The following GALNT9 variants were observed in gnomAD, a reference collection of about 807,000 sequenced individuals.
The protein encoded by GALNT9 is GalNAc transferase 9.
Under a neutral mutation model 63.1 loss-of-function variants are expected in GALNT9, and 47 were observed. The observed-to-expected ratio is 0.75, with a 90% CI of 0.59 to 0.95. GALNT9 has a LOEUF of 0.95. Among genes scored for constraint, GALNT9 ranks in the 40% least tolerant of loss-of-function variants. The pLI is 0.00. For missense variants in GALNT9, 829 were observed against 874.8 expected (o/e 0.95, Z 0.66); for synonymous variants, 396 against 365.7 (o/e 1.08, Z -0.94).
intron 6 of GALNT9, 46 bp downstream of exon 6, chr12:132,247,864 C>T (rs782117150): frequency 3.1e-5 from 48 of 1,548,926 alleles, no homozygotes; most frequent in Middle Eastern, 1.7e-4. Flanking sequence ...GACGCTGTGG[C>T]CTCACTCGCC....
intron 6 of GALNT9, among the ~76,000 whole-genome samples, chr12:132,230,803 T>C (rs991448600): frequency 0.01 from 1,561 of 152,252 alleles, 28 homozygotes; most frequent in African/African-American, 0.035. Flanking sequence ...GGTTAATGGA[T>C]CGATTTATTT....
intron 6 of GALNT9, among the ~76,000 whole-genome samples, chr12:132,216,981 A>G (rs1393158940): frequency 6.6e-6 from 1 of 152,198 alleles, no homozygotes; most frequent in Non-Finnish European, 1.5e-5. Flanking sequence ...AAACTGTTAT[A>G]AAATCTGGTT....
intron 6 of GALNT9, among the ~76,000 whole-genome samples, chr12:132,222,574 G>A (rs1057208791): frequency 2.0e-5 from 3 of 152,138 alleles, no homozygotes; most frequent in South Asian, 2.1e-4. Flanking sequence ...AAGGGGCACC[G>A]CGAGCAGCAG....
chr12:132,304,510 C>G (rs1176117911), intron 1 of GALNT9, among the ~76,000 whole-genome samples: 8 of 53,054 alleles, frequency 1.5e-4, no homozygotes, highest in Admixed American at 2.1e-4. Context: ...CCCGGGCACA[C>G]CCTCGCCCGG....
At chr12:132,292,192 C>T (rs558242488) in intron 1 of GALNT9, among the ~76,000 whole-genome samples, 95 of 152,342 alleles carry the variant, frequency 6.2e-4, no homozygotes, top group Non-Finnish European at 9.1e-4. Flanking sequence ...TCATCCCCTC[C>T]GCTACGCTCT....
Position 132,310,446 on chromosome 12 carries a change from C to T in GALNT9, c.238+18520G>A, listed in dbSNP as rs987511301. On this transcript the variant is annotated intron_variant, in intron 1 of 10. Coordinates refer to ENST00000328957, the MANE Select transcript of GALNT9 (RefSeq NM_001122636.2). The surrounding 1 kb of genome is among the most constrained non-coding windows in gnomAD (Gnocchi z 4.8). ...CACCCAACAGCCCCACCCAGAAGGACGGGGCCGGCCATCTCCTGGAGGCTG... is the reference window on the plus strand; with the variant it reads ...CACCCAACAGCCCCACCCAGAAGGATGGGGCCGGCCATCTCCTGGAGGCTG... Among the ~76,000 whole-genome samples, 21 of 152,284 alleles carry T rather than the reference C, an allele frequency of 1.4e-4. No homozygotes were observed. Among genetic ancestry groups the T allele is most frequent in the African/African-American group, 3.1e-4 (13 of 41,552 alleles).
chr12:132,201,062 G>A (rs982662390), intron 8 of GALNT9, 62 bp downstream of exon 8: 65 of 1,486,962 alleles, frequency 4.4e-5, no homozygotes, highest in Non-Finnish European at 5.7e-5. Context: ...GAATGCATAC[G>A]TGTGCAGGAG....
chr12:132,284,204 C>G (rs970777540), intron 2 of GALNT9: 1 of 151,180 alleles, frequency 6.6e-6, no homozygotes, highest in Non-Finnish European at 1.5e-5. Context: ...TGTGTGCACA[C>G]GTGCACACAC....
At chr12:132,222,978 A>C in intron 6 of GALNT9, among the ~76,000 whole-genome samples, 1 of 127,442 alleles carries the variant, frequency 7.8e-6, no homozygotes, top group Non-Finnish European at 1.6e-5. Flanking sequence ...CCCGCACCCC[A>C]CACAACCCAC....
Position 132,319,768 on chromosome 12 carries a change from A to G in GALNT9, c.238+9198T>C, listed in dbSNP as rs1482684438. On this transcript the variant is annotated intron_variant, in intron 1 of 10. Coordinates refer to ENST00000328957, the MANE Select transcript of GALNT9 (RefSeq NM_001122636.2). The surrounding 1 kb of genome is among the most constrained non-coding windows in gnomAD (Gnocchi z 5.2). ...AGGTCGCCTCGGGTGCTCCTCCCGC[A>G]GCCCCACGTAGACAGAAGACATTCC... Among the ~76,000 whole-genome samples, 1 of 152,144 alleles carries G rather than the reference A, an allele frequency of 6.6e-6. No homozygotes were observed. The highest frequency in any genetic ancestry group is 1.9e-4 in the East Asian group (1 of 5,190).
intron 6 of GALNT9, chr12:132,205,719 A>G (rs1593468419): frequency 6.6e-6 from 1 of 152,314 alleles, no homozygotes; most frequent in East Asian, 1.9e-4. Context: ...CTGCTGTGGG[A>G]CAACCTGCCT....
At chr12:132,243,433 G>GCT (rs1257279084) in intron 6 of GALNT9, among the ~76,000 whole-genome samples, 5 of 98,716 alleles carry the variant, frequency 5.1e-5, no homozygotes, top group South Asian at 4.4e-4. Context: ...GTCTTCCGGA[G>GCT]CTCTCTCTCT....
At chr12:132,264,898 G>A (rs28607834) in intron 2 of GALNT9, among the ~76,000 whole-genome samples, 10,811 of 152,216 alleles carry the variant, frequency 0.071, 1,292 homozygotes, top group African/African-American at 0.25. Context: ...GAGCCCAGGC[G>A]CCCACAGGCG....
intron 1 of GALNT9, among the ~76,000 whole-genome samples, chr12:132,289,265 C>T (rs1331924271): frequency 2.0e-5 from 3 of 152,314 alleles, no homozygotes; most frequent in Non-Finnish European, 2.9e-5. Context: ...CTTCATTCTC[C>T]GTTTTCATTC....
chr12:132,202,687 G>A (rs747416597), intron 7 of GALNT9, among the ~76,000 whole-genome samples: 1 of 152,078 alleles, frequency 6.6e-6, no homozygotes, highest in Non-Finnish European at 1.5e-5. Flanking sequence ...CCGTTTCTAA[G>A]ATGAGCCCTC....
intron 6 of GALNT9, among the ~76,000 whole-genome samples, chr12:132,216,595 C>T (rs931340345): frequency 8.5e-5 from 13 of 152,230 alleles, no homozygotes; most frequent in Non-Finnish European, 2.9e-5. Flanking sequence ...ATGTCCAGCT[C>T]CTCCCTGGTC....
intron 2 of GALNT9, among the ~76,000 whole-genome samples, chr12:132,276,689 T>C (rs1566009462): frequency 6.6e-6 from 1 of 152,208 alleles, no homozygotes; most frequent in Non-Finnish European, 1.5e-5. Context: ...TCTGCTTAAT[T>C]TGGATTTGCC....
At chr12:132,258,011 G>A in intron 4 of GALNT9, 125 bp from the exon 5 acceptor site, 1 of 681,418 alleles carries the variant, frequency 1.5e-6, no homozygotes, top group Admixed American at 2.6e-5. Context: ...GCCACCCCCT[G>A]CTGAGCTAGA....
chr12:132,293,094 C>T (rs1031413138), intron 1 of GALNT9, among the ~76,000 whole-genome samples: 7 of 152,176 alleles, frequency 4.6e-5, no homozygotes, highest in Non-Finnish European at 7.3e-5. Context: ...AGCCTCACCC[C>T]ACAGTGGGGC....
Sources: gnomAD v4.1 joint callset for allele counts (sites outside exome capture counted in the v4.1 genomes callset) on GRCh38, gnomAD v4.1.1 for gene constraint, Gnocchi (gnomAD v3.1) non-coding constraint, MANE v1.5 for transcripts, NCBI Gene and HGNC (gene_info 2026-07-23, HGNC 2026-07-21) for gene names.